Variants in PLCE1 observed in about 807,000 individuals in gnomAD.
The protein encoded by PLCE1 is phospholipase C epsilon 1.
Under a neutral mutation model 242.8 loss-of-function variants are expected in PLCE1, and 119 were observed. That is an observed-to-expected ratio of 0.49 (90% CI 0.42 to 0.57). The LOEUF (loss-of-function observed/expected upper bound fraction) is 0.57, where lower values mean the gene tolerates loss of function less well. Ranked by LOEUF, PLCE1 falls within the 20% of genes least tolerant of loss-of-function variation. The pLI, the probability that PLCE1 is intolerant of heterozygous loss-of-function variation, is 0.00. For missense variants in PLCE1, 2,441 were observed against 2,788.8 expected (o/e 0.88, Z 2.81); for synonymous variants, 945 against 1,017.4 (o/e 0.93, Z 1.35).
At chr10:94,223,542 T>G (rs2049835159) in intron 4 of PLCE1, among the ~76,000 whole-genome samples, 1 of 151,796 alleles carries the variant, frequency 6.6e-6, no homozygotes. Context: ...GGAGAGGGAG[T>G]AAACTGTTCT....
At position 94,028,438 on chromosome 10, in the gene PLCE1, G is replaced by T. The variant is rs1017503635; in HGVS notation, c.-364-2245G>T. On this transcript the variant is annotated intron_variant, in intron 1 of 32. Transcript: ENST00000371380. ...CATGCGAGAGAGGAGTAGCAAGGAG[G>T]AAGCTCCAATGACTTTCATGACTGA... is the stretch of plus-strand genomic sequence containing the variant. Among the ~76,000 whole-genome samples, 63 of 152,128 alleles carry T rather than the reference G, an allele frequency of 4.1e-4. 1 individual carries two copies. The highest frequency in any genetic ancestry group is 6.6e-4 in the Admixed American group (10 of 15,264).
At chr10:94,017,833 A>G (rs1207947094) in intron 1 of PLCE1, among the ~76,000 whole-genome samples, 29 of 152,158 alleles carry the variant, frequency 1.9e-4, no homozygotes, top group Admixed American at 1.9e-3. Context: ...GATGTAGGGG[A>G]TCCAGATATG....
intron 29 of PLCE1, 135 bp from the exon 30 acceptor site, chr10:94,321,766 A>G (rs904350405): frequency 4.1e-5 from 27 of 665,514 alleles, no homozygotes; most frequent in Non-Finnish European, 6.3e-5. Flanking sequence ...TTATGAAATA[A>G]TAACATAGTA....
chr10:94,058,844 GC>G (rs2043973760), intron 2 of PLCE1, among the ~76,000 whole-genome samples: 1 of 152,068 alleles, frequency 6.6e-6, no homozygotes, highest in Admixed American at 6.6e-5. Flanking sequence ...ACACAACCTT[GC>G]CAAAAATAAA....
At chr10:94,018,508 C>A (rs940436951) in intron 1 of PLCE1, among the ~76,000 whole-genome samples, 4 of 152,192 alleles carry the variant, frequency 2.6e-5, no homozygotes, top group Non-Finnish European at 5.9e-5. Flanking sequence ...CTTCCCAGGG[C>A]AGGTCCTCTT....
intron 5 of PLCE1, among the ~76,000 whole-genome samples, chr10:94,229,202 A>AAAC (rs1215983200): frequency 5.3e-5 from 3 of 57,084 alleles, no homozygotes; most frequent in Admixed American, 1.7e-4. Flanking sequence ...ACAAACAAAC[A>AAAC]AAAAAAAACA....
At chr10:94,177,164 A>T (rs1472281455) in intron 4 of PLCE1, among the ~76,000 whole-genome samples, 2 of 152,228 alleles carry the variant, frequency 1.3e-5, no homozygotes, top group African/African-American at 4.8e-5. Flanking sequence ...GCAGTTTTGC[A>T]TAATGTTTAT....
intron 1 of PLCE1, among the ~76,000 whole-genome samples, chr10:93,995,336 C>G (rs945502203): frequency 7.2e-5 from 11 of 152,230 alleles, no homozygotes; most frequent in African/African-American, 2.7e-4. Flanking sequence ...ATCCACCACT[C>G]TAAAGTCTAA....
At chr10:94,210,258 T>A (rs1259313256) in intron 4 of PLCE1, among the ~76,000 whole-genome samples, 8 of 151,972 alleles carry the variant, frequency 5.3e-5, no homozygotes. Flanking sequence ...TTGAAAGAGA[T>A]TTCTTGAGCC....
intron 2 of PLCE1, among the ~76,000 whole-genome samples, chr10:94,055,167 G>T (rs1006502951): frequency 6.6e-6 from 1 of 151,856 alleles, no homozygotes; most frequent in African/African-American, 2.4e-5. Flanking sequence ...GTATAATAAT[G>T]AAGATAATAA....
chr10:94,162,372 G>C (rs944469836), intron 3 of PLCE1, among the ~76,000 whole-genome samples: 1 of 152,038 alleles, frequency 6.6e-6, no homozygotes, highest in African/African-American at 2.4e-5. Context: ...ACTTCTTCCT[G>C]GTTTAGTCTT....
intron 3 of PLCE1, among the ~76,000 whole-genome samples, chr10:94,152,229 T>C (rs895865841): frequency 3.3e-5 from 5 of 152,250 alleles, no homozygotes; most frequent in Non-Finnish European, 7.3e-5. Flanking sequence ...AAAGATTTTC[T>C]ACTTAAATCG....
At chr10:94,149,755 C>T (rs1476301244) in intron 3 of PLCE1, among the ~76,000 whole-genome samples, 1 of 152,072 alleles carries the variant, frequency 6.6e-6, no homozygotes, top group East Asian at 1.9e-4. Context: ...CTCTTTGGCG[C>T]CCAGAGTCCA....
chr10:94,013,599 A>G (rs1321066435), intron 1 of PLCE1, among the ~76,000 whole-genome samples: 2 of 152,234 alleles, frequency 1.3e-5, no homozygotes, highest in African/African-American at 4.8e-5. Context: ...TGAGGCCTTG[A>G]GAATGGGCAG....
chr10:94,223,414 T>G (rs1251929406), intron 4 of PLCE1, among the ~76,000 whole-genome samples: 1 of 151,900 alleles, frequency 6.6e-6, no homozygotes, highest in Non-Finnish European at 1.5e-5. Flanking sequence ...AAGTAAAGAT[T>G]TGGCTTTGCA....
chr10:94,234,206 T>C lies in PLCE1; in HGVS notation c.2108T>C (p.Val703Ala). 1 of 1,614,124 alleles carries C rather than the reference T, an allele frequency of 6.2e-7. No individual in the cohort carries two copies. The highest frequency in any genetic ancestry group is 1.1e-5 in the South Asian group (1 of 91,082). Residue 703 changes from valine (V) to alanine (A), a missense_variant, in exon 6 of 33, where the codon GTT becomes GCT. Val to Ala is a moderately conservative substitution (Grantham distance 64). Around this residue, in one of 5 missense-constraint regions of PLCE1, gnomAD observed 733 missense variants for 754.2 expected, o/e 0.97. Coordinates refer to ENST00000371380, the MANE Select transcript of PLCE1 (RefSeq NM_016341.4). ...CTGCACATCCCTGGCTGTAAGGTGG[T>C]TCCATTCTGTGGGGTGTTTCTGAAG... ...RALHIPGCKV[V>A]PFCGVFLKEL...
chr10:94,316,599 T>G lies in PLCE1; in HGVS notation c.6185T>G (p.Met2062Arg). The G allele has an allele frequency of 6.2e-7, 1 of 1,608,942 alleles. No individual in the cohort carries two copies. The highest frequency in any genetic ancestry group is 2.2e-5 in the East Asian group (1 of 44,842). The change falls in exon 29 of 33, where the codon ATG becomes AGG. Residue 2062 changes from methionine (M) to arginine (R), a missense_variant. Physicochemically the swap from Met to Arg is moderately conservative, Grantham distance 91. This residue lies in a region of PLCE1 where 310 missense variants were observed against 317.2 expected (regional missense o/e 0.98). Transcript: ENST00000371380. ...CCTGTTACCACAGACTATTTTTTGA[T>G]GGAAGAAAAATATTTTATATCTAAA... ...IKPVTTDYFL[M>R]EEKYFISKEK...
At chr10:94,026,353 T>C (rs2061452704) in intron 1 of PLCE1, among the ~76,000 whole-genome samples, 1 of 152,142 alleles carries the variant, frequency 6.6e-6, no homozygotes, top group South Asian at 2.1e-4. Context: ...GGTACCCTCT[T>C]GTTCTGCCAT....
At chr10:94,086,705 T>G (rs2135306060) in intron 2 of PLCE1, among the ~76,000 whole-genome samples, 1 of 152,320 alleles carries the variant, frequency 6.6e-6, no homozygotes, top group East Asian at 1.9e-4. Context: ...AAGAGGTGTC[T>G]CAGGATTGCT....
Sources: allele counts gnomAD v4.1 joint callset (sites outside exome capture counted in the v4.1 genomes callset), GRCh38; gene constraint gnomAD v4.1.1; regional missense constraint gnomAD v4.1.1; transcripts MANE v1.5; gene names NCBI Gene and HGNC (gene_info 2026-07-23, HGNC 2026-07-21).